The following ATRNL1 variants were observed in gnomAD, a reference collection of about 807,000 sequenced individuals.
ATRNL1 encodes the protein attractin-like protein 1.
In ATRNL1, 95 loss-of-function variants were observed where a neutral mutation model predicts 182.7. The ratio of observed to expected loss-of-function variants is 0.52; its 90% CI spans 0.44 to 0.62. The LOEUF (loss-of-function observed/expected upper bound fraction) is 0.62, where lower values mean the gene tolerates loss of function less well. Among genes scored for constraint, ATRNL1 ranks in the 20% least tolerant of loss-of-function variants. The probability of loss-of-function intolerance (pLI) is 0.00; values close to 1 mark genes in which losing one functional copy is unlikely to be tolerated. For missense variants in ATRNL1, 1,471 were observed against 1,679.5 expected, an observed-to-expected ratio of 0.88 and a Z score of 2.17; for synonymous variants, 576 against 568.3, an observed-to-expected ratio of 1.01 and a Z score of -0.19.
At chr10:115,618,746 A>G (rs1454415142) in intron 26 of ATRNL1, among the ~76,000 whole-genome samples, 1 of 152,038 alleles carries the variant, frequency 6.6e-6, no homozygotes, top group Non-Finnish European at 1.5e-5. Flanking sequence ...ATTTCTATTT[A>G]TTGGGTAATT....
intron 26 of ATRNL1, among the ~76,000 whole-genome samples, chr10:115,692,317 A>G (rs1431693134): frequency 3.9e-5 from 6 of 152,144 alleles, no homozygotes; most frequent in Non-Finnish European, 8.8e-5. Context: ...TGATTACTAG[A>G]CTTGTAAAGC....
chr10:115,803,597 G>T lies in ATRNL1; in HGVS notation c.3904-44280G>T, dbSNP rs1451431083. Among the ~76,000 whole-genome samples, 3 of 139,714 alleles carry T rather than the reference G, an allele frequency of 2.1e-5. No individual in the cohort carries two copies. The East Asian group carries it at 6.1e-4, about 29-fold the overall frequency. 91.7% of individuals were successfully genotyped at this position (139,714 alleles called of 152,430 possible). A position where few individuals can be genotyped will look rare whatever the true frequency, so the allele number is the denominator to read the frequency against. On this transcript the variant is annotated intron_variant, in intron 27 of 28. Coordinates refer to ENST00000355044, the MANE Select transcript of ATRNL1 (RefSeq NM_207303.4). Reference sequence around the variant, plus strand: ...TTGTTTTAGAAGTTTGGGTTTTTTTGTGTTTTTTTTTTAACATTTTAAGCA... The same window carrying T: ...TTGTTTTAGAAGTTTGGGTTTTTTTTTGTTTTTTTTTTAACATTTTAAGCA...
intron 24 of ATRNL1, among the ~76,000 whole-genome samples, chr10:115,473,599 C>T (rs80347930): frequency 0.015 from 2,304 of 151,268 alleles, 54 homozygotes; most frequent in African/African-American, 0.053. Context: ...AGCATAAGTT[C>T]GGAAGTGTTC....
At chr10:115,802,206 T>C (rs1555084544) in intron 27 of ATRNL1, among the ~76,000 whole-genome samples, 3 of 152,096 alleles carry the variant, frequency 2.0e-5, no homozygotes, top group Non-Finnish European at 4.4e-5. Context: ...TGAACTCAGC[T>C]CTGTCATATG....
In ATRNL1 at chr10:115,929,630, G is replaced by A. The variant is rs1199422970; in HGVS notation, c.4019-15028G>A. Among the ~76,000 whole-genome samples, 6 of 151,858 alleles carry A rather than the reference G, an allele frequency of 4.0e-5. No individual in the cohort carries two copies. The South Asian group carries it at 6.2e-4, about 16-fold the overall frequency. On this transcript the variant is annotated intron_variant, in intron 28 of 28. Coordinates refer to ENST00000355044, the MANE Select transcript of ATRNL1 (RefSeq NM_207303.4). ...GTACTTTAAGAAAAAATAACTTCAC[G>A]GAGGACCATTATAATTTTTGTGATG...
intron 21 of ATRNL1, among the ~76,000 whole-genome samples, chr10:115,439,722 A>G (rs1846577075): frequency 1.3e-5 from 2 of 151,970 alleles, no homozygotes; most frequent in South Asian, 4.1e-4. Flanking sequence ...TGTAATAACA[A>G]GTATTCTTAT....
chr10:115,547,491 A>G (rs1397964192), intron 25 of ATRNL1, among the ~76,000 whole-genome samples: 2 of 152,004 alleles, frequency 1.3e-5, no homozygotes, highest in African/African-American at 4.8e-5. Context: ...AGGTGTAAAG[A>G]TGCAGATTTG....
chr10:115,849,531 T>C (rs1194212349), intron 28 of ATRNL1, among the ~76,000 whole-genome samples: 6 of 152,230 alleles, frequency 3.9e-5, no homozygotes, highest in African/African-American at 1.4e-4. Flanking sequence ...AAGAGACAAG[T>C]AGCAGTGTGA....
chr10:115,763,175 T>C (rs369705238), intron 27 of ATRNL1, among the ~76,000 whole-genome samples: 3 of 152,192 alleles, frequency 2.0e-5, no homozygotes, highest in South Asian at 4.1e-4. Context: ...TGAATTAATG[T>C]ATTTATTTAT....
intron 1 of ATRNL1, among the ~76,000 whole-genome samples, chr10:115,119,015 G>A (rs1554870755): frequency 6.6e-6 from 1 of 151,988 alleles, no homozygotes; most frequent in Non-Finnish European, 1.5e-5. Flanking sequence ...CTATCTTATA[G>A]GTTTTTTGAG....
rs375392309 is a variant in ATRNL1, at chr10:115,309,110, T to G, written c.2819-6408T>G. On this transcript the variant is annotated intron_variant, in intron 17 of 28. Transcript: ENST00000355044. Reference sequence around the variant, plus strand: ...TGGGTTCTCTATTCTGTTCCATTTTTCTGTGTATCCCCATTTTTCTATGTA... The same window carrying G: ...TGGGTTCTCTATTCTGTTCCATTTTGCTGTGTATCCCCATTTTTCTATGTA... Among the ~76,000 whole-genome samples, 5 of 152,290 alleles carry G rather than the reference T, an allele frequency of 3.3e-5. 1 individual carries two copies. Among genetic ancestry groups the G allele is most frequent in the African/African-American group, 1.2e-4 (5 of 41,578 alleles).
Position 115,944,794 on chromosome 10 carries a change from T to C in ATRNL1, c.*15T>C, listed in dbSNP as rs953491887. ...CTTGTGTCTGAGAAATGGAAACCGC[T>C]CCTGTATATTCTGTACTGTTTTACT... On this transcript the variant is annotated 3_prime_UTR_variant, in exon 29 of 29. Coordinates refer to ENST00000355044, the MANE Select transcript of ATRNL1 (RefSeq NM_207303.4). 1.2e-6 allele frequency: 2 copies of C among 1,610,912 alleles called. No homozygotes were observed. Among genetic ancestry groups the C allele is most frequent in the Admixed American group, 1.7e-5 (1 of 59,614 alleles).
At chr10:115,249,364 T>C (rs1554904885) in intron 10 of ATRNL1, among the ~76,000 whole-genome samples, 1 of 152,184 alleles carries the variant, frequency 6.6e-6, no homozygotes, top group East Asian at 1.9e-4. Context: ...TTTATATATA[T>C]GTATATGTAT....
intron 9 of ATRNL1, among the ~76,000 whole-genome samples, chr10:115,223,887 ATGTGTG>A (rs1185815693): frequency 2.5e-5 from 2 of 80,090 alleles, no homozygotes; most frequent in African/African-American, 5.3e-5. Flanking sequence ...TATTTAATAT[ATGTGTG>A]TGTGTGTGTG....
intron 10 of ATRNL1, among the ~76,000 whole-genome samples, chr10:115,243,070 G>C (rs1214562437): frequency 6.6e-6 from 1 of 151,682 alleles, no homozygotes; most frequent in African/African-American, 2.4e-5. Context: ...AGTTTTGTTT[G>C]TTTGTTTTTC....
At chr10:115,102,723 T>C (rs1843827147) in intron 1 of ATRNL1, among the ~76,000 whole-genome samples, 1 of 152,126 alleles carries the variant, frequency 6.6e-6, no homozygotes, top group African/African-American at 2.4e-5. Context: ...CTAAGATTAG[T>C]ATATTTTTAC....
At chr10:115,180,519 A>T (rs1048142724) in intron 8 of ATRNL1, among the ~76,000 whole-genome samples, 2 of 151,902 alleles carry the variant, frequency 1.3e-5, no homozygotes, top group Non-Finnish European at 2.9e-5. Context: ...AAATTTACCC[A>T]CAGTAGCCAT....
chr10:115,333,602 A>G (rs1278550901), intron 18 of ATRNL1, among the ~76,000 whole-genome samples: 4 of 150,606 alleles, frequency 2.7e-5, no homozygotes, highest in African/African-American at 7.3e-5. Flanking sequence ...CTCCTGCCTC[A>G]GCCTCCCAAG....
chr10:115,698,987 T>A (rs1946650178), intron 26 of ATRNL1, among the ~76,000 whole-genome samples: 1 of 152,148 alleles, frequency 6.6e-6, no homozygotes, highest in African/African-American at 2.4e-5. Flanking sequence ...TAAATATGAT[T>A]TTTTTAATCT....
Sources: allele counts gnomAD v4.1 joint callset (sites outside exome capture counted in the v4.1 genomes callset), GRCh38; gene constraint gnomAD v4.1.1; transcripts MANE v1.5; gene names NCBI Gene and HGNC (gene_info 2026-07-23, HGNC 2026-07-21).